Variants in FBXL13 observed in about 807,000 individuals in gnomAD.
The protein encoded by FBXL13 is F-box and leucine rich repeat protein 13, also known as F-box and leucine-rich repeat protein 13.
In FBXL13, 67 loss-of-function variants were observed where a neutral mutation model predicts 83.6. The ratio of observed to expected loss-of-function variants is 0.80; its 90% confidence interval spans 0.66 to 0.98. The LOEUF (loss-of-function observed/expected upper bound fraction) is 0.98, where lower values mean the gene tolerates loss of function less well. Ranked by LOEUF, FBXL13 falls within the 50% of genes least tolerant of loss-of-function variation. The pLI is 0.00. For missense variants in FBXL13, 822 were observed against 866.5 expected (o/e 0.95, Z 0.64); for synonymous variants, 272 against 299.5 (o/e 0.91, Z 0.95).
At chr7:102,997,819 T>C (rs531697294) in intron 6 of FBXL13, among the ~76,000 whole-genome samples, 12 of 152,340 alleles carry the variant, frequency 7.9e-5, no homozygotes, top group East Asian at 3.9e-4. Flanking sequence ...CATTCATCTG[T>C]TGATGAACAC....
chr7:103,056,612 C>T (rs1797364408), intron 1 of FBXL13, among the ~76,000 whole-genome samples: 1 of 152,082 alleles, frequency 6.6e-6, no homozygotes, highest in Non-Finnish European at 1.5e-5. Flanking sequence ...CATCCACCAC[C>T]ACGCCTAGCT....
At chr7:103,070,078 CAA>C (rs76010935) in intron 1 of FBXL13, among the ~76,000 whole-genome samples, 16 of 67,288 alleles carry the variant, frequency 2.4e-4, no homozygotes, top group Admixed American at 3.3e-4. Context: ...GACTCTGTCT[CAA>C]AAAAAAAAAA....
intron 2 of FBXL13, chr7:103,030,034 T>C (rs1794340317): frequency 6.6e-6 from 1 of 152,232 alleles, no homozygotes; most frequent in African/African-American, 2.4e-5. Context: ...AAGTATTATA[T>C]GCACATGGCT....
intron 6 of FBXL13, among the ~76,000 whole-genome samples, chr7:102,980,263 T>C (rs184585155): frequency 7.2e-5 from 11 of 152,296 alleles, no homozygotes; most frequent in African/African-American, 1.7e-4. Flanking sequence ...GATAGACATA[T>C]AGACCAATGG....
At chr7:103,023,304 C>CA (rs896318345) in intron 6 of FBXL13, among the ~76,000 whole-genome samples, 85 of 149,542 alleles carry the variant, frequency 5.7e-4, no homozygotes, top group South Asian at 3.0e-3. Flanking sequence ...CAGAACAAAA[C>CA]AAAAAAAAAT....
chr7:103,024,821 G>GTATATATA (rs1554505154), intron 6 of FBXL13, among the ~76,000 whole-genome samples: 1 of 119,784 alleles, frequency 8.3e-6, no homozygotes, highest in African/African-American at 3.2e-5. Context: ...ACATATATAT[G>GTATATATA]TATATATATG....
chr7:102,981,974 G>C (rs1023273834), intron 6 of FBXL13, among the ~76,000 whole-genome samples: 3 of 152,252 alleles, frequency 2.0e-5, no homozygotes, highest in South Asian at 2.1e-4. Flanking sequence ...TGAGGCTGAG[G>C]GGGGCAGATC....
At chr7:103,041,830 A>G (rs1266171128) in intron 2 of FBXL13, among the ~76,000 whole-genome samples, 1 of 152,218 alleles carries the variant, frequency 6.6e-6, no homozygotes, top group East Asian at 1.9e-4. Flanking sequence ...TCTCAAAATA[A>G]TAAGAGCTAT....
chr7:102,957,135 T>C (rs1399951506), intron 8 of FBXL13, among the ~76,000 whole-genome samples: 2 of 152,096 alleles, frequency 1.3e-5, no homozygotes, highest in African/African-American at 2.4e-5. Context: ...CTTCAAACTA[T>C]ACTACAAGGC....
At chr7:102,964,685 G>T (rs1563160260) in intron 7 of FBXL13, among the ~76,000 whole-genome samples, 2 of 151,968 alleles carry the variant, frequency 1.3e-5, no homozygotes, top group African/African-American at 2.4e-5. Flanking sequence ...TTACAGGCAT[G>T]AGCCACCATG....
At chr7:102,995,325 C>A (rs1047131037) in intron 6 of FBXL13, among the ~76,000 whole-genome samples, 2 of 151,030 alleles carry the variant, frequency 1.3e-5, no homozygotes, top group Non-Finnish European at 3.0e-5. Flanking sequence ...ACTAAAAATA[C>A]AAAAAATTAG....
chr7:102,971,289 C>G lies in FBXL13; in HGVS notation c.496-3172G>C, dbSNP rs575509863. On this transcript the variant is annotated intron_variant, in intron 6 of 19. Coordinates refer to ENST00000313221, the Ensembl canonical transcript of FBXL13. Reference sequence around the variant, plus strand: ...GATACCATATGCAAGTAAATTACAACTCAAAAATGAGTATTAAGACATTTT... The same window carrying G: ...GATACCATATGCAAGTAAATTACAAGTCAAAAATGAGTATTAAGACATTTT... Among the ~76,000 whole-genome samples, 5 of 152,314 alleles carry G rather than the reference C, an allele frequency of 3.3e-5. 1 individual carries two copies. The highest frequency in any genetic ancestry group is 1.2e-4 in the African/African-American group (5 of 41,580).
At chr7:102,862,439 T>C (rs1171943625) in intron 16 of FBXL13, among the ~76,000 whole-genome samples, 1 of 152,068 alleles carries the variant, frequency 6.6e-6, no homozygotes, top group Admixed American at 6.6e-5. Context: ...TTTGTGAAAA[T>C]AGCATAATTT....
rs1033294489 is a variant in FBXL13 at position 102,844,942 on chromosome 7, A to G, written c.1719+9835T>C. ...TATATAATAAAGGATACCAATGAAC[A>G]GCCAGATGAAAAGGTACATAGGGCT... On this transcript the variant is annotated intron_variant, in intron 17 of 19. Coordinates refer to ENST00000313221, the Ensembl canonical transcript of FBXL13. Among the ~76,000 whole-genome samples, 11 of 152,356 alleles carry G rather than the reference A, an allele frequency of 7.2e-5. No homozygotes were observed. The South Asian group carries it at 1.4e-3, about 20-fold the overall frequency.
chr7:102,870,748 G>A (rs904509464), intron 16 of FBXL13, among the ~76,000 whole-genome samples: 1 of 152,072 alleles, frequency 6.6e-6, no homozygotes, highest in Non-Finnish European at 1.5e-5. Context: ...AACAGTAAAT[G>A]TTCTTTCAAA....
At chr7:103,054,384 C>T (rs371424575) in intron 2 of FBXL13, among the ~76,000 whole-genome samples, 9 of 141,258 alleles carry the variant, frequency 6.4e-5, no homozygotes, top group African/African-American at 2.2e-4. Flanking sequence ...AGCAAGACTC[C>T]GTCTGGAAAA....
chr7:102,950,802 G>T (rs890428471), intron 8 of FBXL13, among the ~76,000 whole-genome samples: 1 of 152,070 alleles, frequency 6.6e-6, no homozygotes, highest in Admixed American at 6.6e-5. Context: ...TCCAGAAAAG[G>T]CAAAACTATA....
At chr7:102,834,878 ATG>A (rs57047697) in intron 17 of FBXL13, among the ~76,000 whole-genome samples, 59,450 of 146,862 alleles carry the variant, frequency 0.4, 11,858 homozygotes, top group Admixed American at 0.48. Context: ...CCATTCCACA[ATG>A]TGTGTGTGTG....
rs1033135095 is a variant in FBXL13, at chr7:102,831,431, A to ACACACACCCCCCCC, written c.1854+1408_1854+1409insGGGGGGGGTGTGTG. On this transcript the variant is annotated intron_variant, in intron 18 of 19. Coordinates refer to ENST00000313221, the Ensembl canonical transcript of FBXL13. Reference sequence around the variant, plus strand: ...CACACACACACACACACACACACACACCCCACTACAGAGAGTTATCTTGTC... The same window carrying ACACACACCCCCCCC: ...CACACACACACACACACACACACACACACACACCCCCCCCCCCCACTACAGAGAGTTATCTTGTC... Among the ~76,000 whole-genome samples the ACACACACCCCCCCC allele has an allele frequency of 1.0e-3, 152 of 147,196 alleles. 2 individuals are homozygous for ACACACACCCCCCCC. Among genetic ancestry groups the ACACACACCCCCCCC allele is most frequent in the African/African-American group, 3.7e-3 (147 of 40,086 alleles).
Sources: allele counts gnomAD v4.1 joint callset (sites outside exome capture counted in the v4.1 genomes callset), GRCh38; gene constraint gnomAD v4.1.1; transcripts MANE v1.5; gene names NCBI Gene and HGNC (gene_info 2026-07-23, HGNC 2026-07-21).